Variants in ARHGAP10 observed in about 807,000 individuals in gnomAD.
ARHGAP10 encodes the protein Rho GTPase activating protein 10.
ARHGAP10 carries 87 observed loss-of-function variants against 108.6 expected under a neutral mutation model. The observed-to-expected ratio is 0.80, with a 90% CI of 0.67 to 0.96. The LOEUF is 0.96. Among genes scored for constraint, ARHGAP10 ranks in the 40% least tolerant of loss-of-function variants. The probability of loss-of-function intolerance (pLI) is 0.00; values close to 1 mark genes in which losing one functional copy is unlikely to be tolerated. For missense variants in ARHGAP10, 939 were observed against 954.5 expected (o/e 0.98, Z 0.21); for synonymous variants, 347 against 341.1 (o/e 1.02, Z -0.19).
intron 11 of ARHGAP10, among the ~76,000 whole-genome samples, chr4:147,907,766 C>G (rs1473120521): frequency 6.6e-6 from 1 of 152,076 alleles, no homozygotes; most frequent in African/African-American, 2.4e-5. Context: ...TTACACCACC[C>G]CCGCCAAAAA....
At chr4:147,950,919 T>C (rs1028227334) in intron 15 of ARHGAP10, among the ~76,000 whole-genome samples, 4 of 152,130 alleles carry the variant, frequency 2.6e-5, no homozygotes, top group African/African-American at 4.8e-5. Context: ...ATGGGACTTT[T>C]TGGGAGGGAA....
intron 13 of ARHGAP10, among the ~76,000 whole-genome samples, chr4:147,921,371 C>T (rs1178684729): frequency 6.6e-6 from 1 of 152,170 alleles, no homozygotes; most frequent in Non-Finnish European, 1.5e-5. Context: ...TCTGTTGAAT[C>T]AGAATTGTTG....
In ARHGAP10 at chr4:147,966,779, C is replaced by A; in HGVS notation, c.1656C>A (p.Ala552=). The A allele has an allele frequency of 6.2e-7, 1 of 1,603,310 alleles. No individual in the cohort carries two copies. Among genetic ancestry groups the A allele is most frequent in the Non-Finnish European group, 8.5e-7 (1 of 1,172,600 alleles). Residue 552 remains alanine (A), a synonymous_variant, in exon 18 of 23, where the codon GCC becomes GCA. Coordinates refer to ENST00000336498, the MANE Select transcript of ARHGAP10 (RefSeq NM_024605.4). ...LMRPQEETVA[A]LMDLKFQNIV... is the part of the protein sequence containing the mutation. ...GGCCACAGGAAGAAACTGTCGCTGC[C>A]CTCATGGACTTGAAGTTTCAGAATA...
Position 148,063,251 on chromosome 4 carries a change from C to G in ARHGAP10, c.2131C>G (p.Pro711Ala), listed in dbSNP as rs746062884. The change falls in exon 21 of 23, where the codon CCT becomes GCT. Residue 711 changes from proline to alanine, a missense_variant. Coordinates refer to ENST00000336498, the MANE Select transcript of ARHGAP10 (RefSeq NM_024605.4). ...GACACCTCTTTCACCCGGGTCGTCC[C>G]CTTTCCCCTTTTCTCCTCCTGCTAC... is the stretch of plus-strand genomic sequence containing the variant. Reference protein sequence around the residue: ...AVTPLSPGSSPFPFSPPATVA... With the variant: ...AVTPLSPGSSAFPFSPPATVA... The G allele has an allele frequency of 1.2e-6, 2 of 1,614,190 alleles. No individual in the cohort carries two copies.
At chr4:147,856,375 C>G (rs1040808066) in intron 4 of ARHGAP10, among the ~76,000 whole-genome samples, 1 of 152,130 alleles carries the variant, frequency 6.6e-6, no homozygotes, top group Non-Finnish European at 1.5e-5. Flanking sequence ...ACAGAAATCA[C>G]TGGAAAGGTT....
intron 19 of ARHGAP10, among the ~76,000 whole-genome samples, chr4:148,033,093 C>T (rs532269547): frequency 6.6e-6 from 1 of 152,134 alleles, no homozygotes; most frequent in Non-Finnish European, 1.5e-5. Flanking sequence ...CTTATTTATT[C>T]TCTTCTTCAC....
At chr4:148,005,991 G>A (rs1205153682) in intron 18 of ARHGAP10, among the ~76,000 whole-genome samples, 4 of 152,258 alleles carry the variant, frequency 2.6e-5, no homozygotes, top group African/African-American at 4.8e-5. Context: ...CACTCCTTCC[G>A]CAGAGATATG....
chr4:147,769,545 T>G (rs1334280919), intron 1 of ARHGAP10, among the ~76,000 whole-genome samples: 2 of 152,234 alleles, frequency 1.3e-5, no homozygotes, highest in African/African-American at 4.8e-5. Flanking sequence ...CCCGGGGATT[T>G]CCGTATGTTA....
chr4:147,954,849 C>A (rs1355254116), intron 15 of ARHGAP10, among the ~76,000 whole-genome samples: 1 of 151,762 alleles, frequency 6.6e-6, no homozygotes, highest in Non-Finnish European at 1.5e-5. Flanking sequence ...AAGATAAATT[C>A]TTATTTTTAT....
chr4:147,758,214 G>A (rs1729457421), intron 1 of ARHGAP10, among the ~76,000 whole-genome samples: 1 of 150,336 alleles, frequency 6.7e-6, no homozygotes, highest in Non-Finnish European at 1.5e-5. Flanking sequence ...GGTGAGCCAA[G>A]ATTGCGCCAT....
intron 19 of ARHGAP10, among the ~76,000 whole-genome samples, chr4:148,036,370 T>C (rs1728377943): frequency 6.6e-6 from 1 of 152,184 alleles, no homozygotes; most frequent in Non-Finnish European, 1.5e-5. Flanking sequence ...CGCCCAGATC[T>C]CATCTTGAAT....
chr4:147,781,977 T>TA lies in ARHGAP10; in HGVS notation c.155-40749dup, dbSNP rs147773491. ...AGTTGAGTTTCATTGATTTCTGAAA[T>TA]ACGGTAAAATAAGTGGCTTTTAAAA... On this transcript the variant is annotated intron_variant, in intron 1 of 22. Transcript: ENST00000336498. 4.5e-3 allele frequency among the ~76,000 whole-genome samples: 682 copies of TA among 152,328 alleles called. 8 individuals carry two copies. Among genetic ancestry groups the TA allele is most frequent in the East Asian group, 0.035 (182 of 5,192 alleles).
intron 18 of ARHGAP10, among the ~76,000 whole-genome samples, chr4:147,998,693 G>A (rs56280979): frequency 0.041 from 6,299 of 152,288 alleles, 406 homozygotes; most frequent in African/African-American, 0.14. Context: ...AAATACATTA[G>A]TATATCCTAC....
rs1560821598 is a variant in ARHGAP10 at position 147,909,788 on chromosome 4, A to C, written c.1162+11A>C. On this transcript the variant is annotated intron_variant, in intron 12 of 22. Coordinates refer to ENST00000336498, the MANE Select transcript of ARHGAP10 (RefSeq NM_024605.4). ...CAAGACCAGAAGGAAGTAAGTGCTC[A>C]TTTATAAAAATGATTGTATCCTCCT... The C allele has an allele frequency of 6.2e-7, 1 of 1,600,416 alleles. No homozygotes were observed. Among genetic ancestry groups the C allele is most frequent in the Non-Finnish European group, 8.6e-7 (1 of 1,167,624 alleles).
At chr4:147,879,191 A>T (rs1354322531) in intron 8 of ARHGAP10, 41 bp from the exon 9 acceptor site, 1 of 1,557,008 alleles carries the variant, frequency 6.4e-7, no homozygotes, top group African/African-American at 1.4e-5. Context: ...AAATCTGCTT[A>T]TTTATGAGGG....
At chr4:147,989,715 C>T (rs905895414) in intron 18 of ARHGAP10, among the ~76,000 whole-genome samples, 5 of 152,200 alleles carry the variant, frequency 3.3e-5, no homozygotes, top group Admixed American at 2.0e-4. Flanking sequence ...TTTCAGGGTG[C>T]CCACATTTCA....
intron 1 of ARHGAP10, among the ~76,000 whole-genome samples, chr4:147,773,013 A>G (rs1730137930): frequency 6.6e-6 from 1 of 152,194 alleles, no homozygotes; most frequent in South Asian, 2.1e-4. Flanking sequence ...CCTGCATTCC[A>G]GAGTTCAGTG....
At chr4:147,921,683 A>G (rs990075990) in intron 13 of ARHGAP10, among the ~76,000 whole-genome samples, 12 of 152,152 alleles carry the variant, frequency 7.9e-5, no homozygotes, top group Non-Finnish European at 1.8e-4. Context: ...TACAATTTCA[A>G]ATGTGTTTTA....
chr4:147,793,105 A>G (rs982923890), intron 1 of ARHGAP10, among the ~76,000 whole-genome samples: 15 of 151,930 alleles, frequency 9.9e-5, no homozygotes, highest in African/African-American at 3.1e-4. Context: ...GCACCACTGC[A>G]CTCCAGCCTG....
Sources: allele counts gnomAD v4.1 joint callset (sites outside exome capture counted in the v4.1 genomes callset), GRCh38; gene constraint gnomAD v4.1.1; transcripts MANE v1.5; gene names NCBI Gene and HGNC (gene_info 2026-07-23, HGNC 2026-07-21).